XYLT1: variants seen among roughly 807,000 people sequenced by gnomAD.
XYLT1 encodes the protein xylosyltransferase 1.
A neutral mutation model predicts 91.3 loss-of-function variants in XYLT1; 36 were observed. The observed-to-expected ratio is 0.39, with a 90% CI of 0.30 to 0.52. The LOEUF (loss-of-function observed/expected upper bound fraction) is 0.52. XYLT1 is among the 20% of genes least tolerant of loss of function. XYLT1 has a pLI of 0.68. For synonymous variants in XYLT1, 588 were observed against 532.0 expected, an observed-to-expected ratio of 1.11 and a Z score of -1.45; for missense variants, 1,242 against 1,284.5, an observed-to-expected ratio of 0.97 and a Z score of 0.51.
intron 6 of XYLT1, among the ~76,000 whole-genome samples, chr16:17,144,957 C>T (rs2031093476): frequency 6.6e-6 from 1 of 152,166 alleles, no homozygotes; most frequent in African/African-American, 2.4e-5. Flanking sequence ...GTCCAACTGT[C>T]ACCTCTGCCT....
At position 17,259,650 on chromosome 16, in the gene XYLT1, G is replaced by A. The variant is rs967555364; in HGVS notation, c.403-152C>T. On this transcript the variant is annotated intron_variant, in intron 2 of 11. Coordinates refer to ENST00000261381, the MANE Select transcript of XYLT1 (RefSeq NM_022166.4). Reference sequence around the variant, plus strand: ...TACTGGTTTAACCTCTGGTAAGATGGCTCTCTCTGGACCTCAGTTTCCCCA... The same window carrying A: ...TACTGGTTTAACCTCTGGTAAGATGACTCTCTCTGGACCTCAGTTTCCCCA... The A allele has an allele frequency of 1.2e-5, 11 of 904,566 alleles. No individual in the cohort carries two copies. The African/African-American group carries it at 1.7e-4, about 14-fold the overall frequency. 56.0% of individuals were successfully genotyped at this position (904,566 alleles called of 1,614,324 possible).
chr16:17,234,407 C>T (rs192677670), intron 3 of XYLT1, among the ~76,000 whole-genome samples: 6 of 152,240 alleles, frequency 3.9e-5, no homozygotes, highest in Non-Finnish European at 5.9e-5. Context: ...CTCTGATCAA[C>T]GCTAAGTCTT....
At chr16:17,377,114 G>T (rs2035612247) in intron 1 of XYLT1, among the ~76,000 whole-genome samples, 1 of 150,216 alleles carries the variant, frequency 6.7e-6, no homozygotes, top group African/African-American at 2.5e-5. Flanking sequence ...AAGGTGGAGG[G>T]TGCAGTGAGC....
chr16:17,240,651 C>A (rs937621783), intron 3 of XYLT1, among the ~76,000 whole-genome samples: 7 of 152,276 alleles, frequency 4.6e-5, no homozygotes, highest in Admixed American at 1.3e-4. Context: ...CGGGACCAAG[C>A]CTGAACCAGC....
At chr16:17,461,581 A>C (rs1265359522) in intron 1 of XYLT1, among the ~76,000 whole-genome samples, 1 of 151,840 alleles carries the variant, frequency 6.6e-6, no homozygotes, top group Admixed American at 6.6e-5. Flanking sequence ...GGATGAATGG[A>C]CAGAGGATGG....
intron 5 of XYLT1, among the ~76,000 whole-genome samples, chr16:17,195,827 G>A (rs930750492): frequency 2.0e-5 from 3 of 152,152 alleles, no homozygotes; most frequent in African/African-American, 7.2e-5. Flanking sequence ...TCTCAGCTAG[G>A]ATACACATTC....
At chr16:17,408,170 A>G (rs1232749965) in intron 1 of XYLT1, among the ~76,000 whole-genome samples, 9 of 152,372 alleles carry the variant, frequency 5.9e-5, no homozygotes, top group Non-Finnish European at 1.2e-4. Flanking sequence ...ATAGCCTCTC[A>G]GAGCCTCAAT....
At chr16:17,334,120 C>T (rs556737526) in intron 2 of XYLT1, among the ~76,000 whole-genome samples, 3 of 152,300 alleles carry the variant, frequency 2.0e-5, no homozygotes, top group South Asian at 2.1e-4. Flanking sequence ...GAGAGCAACC[C>T]TCACCAGACC....
intron 2 of XYLT1, among the ~76,000 whole-genome samples, chr16:17,354,265 C>T (rs186346644): frequency 6.6e-4 from 101 of 152,258 alleles, no homozygotes; most frequent in Non-Finnish European, 2.5e-4. Flanking sequence ...CCTCGGCTTC[C>T]TCATTCTATT....
At chr16:17,452,156 AGGAACGAAATTAGCACTTTGTAT>A (rs2036673357) in intron 1 of XYLT1, among the ~76,000 whole-genome samples, 1 of 152,186 alleles carries the variant, frequency 6.6e-6, no homozygotes, top group Non-Finnish European at 1.5e-5. Context: ...TAACCCTAAG[AGGAACGAAATTAGCACTTTGTAT>A]GGTTGGGTCA....
chr16:17,424,598 C>T (rs1385435755), intron 1 of XYLT1, among the ~76,000 whole-genome samples: 2 of 151,942 alleles, frequency 1.3e-5, no homozygotes, highest in East Asian at 1.9e-4. Flanking sequence ...CAGCCGGGTG[C>T]GGTGGCTCAT....
intron 8 of XYLT1, among the ~76,000 whole-genome samples, chr16:17,136,980 CATGGGA>C (rs2030750145): frequency 6.6e-6 from 1 of 152,102 alleles, no homozygotes; most frequent in Non-Finnish European, 1.5e-5. Flanking sequence ...CCTCTCCAAA[CATGGGA>C]ATTCATTGAA....
At chr16:17,217,049 T>C (rs1017232325) in intron 3 of XYLT1, among the ~76,000 whole-genome samples, 1 of 152,198 alleles carries the variant, frequency 6.6e-6, no homozygotes, top group Non-Finnish European at 1.5e-5. Context: ...TCCTGTTGAA[T>C]AAATGGACAT....
At chr16:17,233,769 C>T (rs1337874865) in intron 3 of XYLT1, among the ~76,000 whole-genome samples, 1 of 152,218 alleles carries the variant, frequency 6.6e-6, no homozygotes, top group African/African-American at 2.4e-5. Context: ...TATCGTGGAG[C>T]TAAGTGAGTG....
At position 17,379,728 on chromosome 16, in the gene XYLT1, ATCTCTC is replaced by A. The variant is rs71137986; in HGVS notation, c.364-21684_364-21679del. On this transcript the variant is annotated intron_variant, in intron 1 of 11. Transcript: ENST00000261381. ...TCTCCACATCTATGAAATGAAGGAT[ATCTCTC>A]TCTCTCTCTCTCTCTCTCTCTCTCT... 2.3e-3 allele frequency among the ~76,000 whole-genome samples: 292 copies of A among 125,822 alleles called. 1 individual carries two copies. Among genetic ancestry groups the A allele is most frequent in the East Asian group, 0.011 (49 of 4,488 alleles). 82.5% of individuals were successfully genotyped at this position (125,822 alleles called of 152,430 possible).
At chr16:17,301,566 A>G (rs557922004) in intron 2 of XYLT1, among the ~76,000 whole-genome samples, 1 of 152,182 alleles carries the variant, frequency 6.6e-6, no homozygotes, top group Non-Finnish European at 1.5e-5. Flanking sequence ...ATAATGAAAG[A>G]AAGTAATGCT....
intron 11 of XYLT1, among the ~76,000 whole-genome samples, chr16:17,115,979 G>GT (rs1491116625): frequency 2.0e-5 from 1 of 51,158 alleles, no homozygotes; most frequent in Non-Finnish European, 4.8e-5. Flanking sequence ...GACTTAGAAA[G>GT]TAAAAAAAAA....
intron 5 of XYLT1, among the ~76,000 whole-genome samples, chr16:17,175,964 T>G (rs1228943632): frequency 6.6e-6 from 1 of 152,024 alleles, no homozygotes; most frequent in East Asian, 1.9e-4. Context: ...GAAAAGACAT[T>G]AAGTAAAGAC....
chr16:17,102,681 A>G lies in XYLT1; in HGVS notation c.*6014T>C, dbSNP rs1333447682. The G allele has an allele frequency of 6.6e-6, 1 of 152,410 alleles. No individual in the cohort carries two copies. The highest frequency in any genetic ancestry group is 1.5e-5 in the Non-Finnish European group (1 of 68,040). The allele number at this position is 152,410 out of a possible 1,614,324, so 9.4% of individuals were successfully genotyped here. On this transcript the variant is annotated 3_prime_UTR_variant, in exon 12 of 12. Coordinates refer to ENST00000261381, the MANE Select transcript of XYLT1 (RefSeq NM_022166.4). The stretch of plus-strand genomic sequence containing the variant: ...TTTCAGATAGTTCAATATCTCTTAA[A>G]ATACTCCTTTAAATAAATAGCAAAA...
Sources: allele counts gnomAD v4.1 joint callset (sites outside exome capture counted in the v4.1 genomes callset), GRCh38; gene constraint gnomAD v4.1.1; transcripts MANE v1.5; gene names NCBI Gene and HGNC (gene_info 2026-07-23, HGNC 2026-07-21).